Variants in SCN9A observed in about 807,000 individuals in gnomAD.
SCN9A encodes sodium voltage-gated channel alpha subunit 9.
In SCN9A, 131 loss-of-function variants were observed where a neutral mutation model predicts 187.0. The observed-to-expected ratio is 0.70, with a 90% CI of 0.61 to 0.81. SCN9A has a LOEUF of 0.81. Among genes scored for constraint, SCN9A ranks in the 30% least tolerant of loss-of-function variants. The probability of loss-of-function intolerance (pLI) is 0.00; values close to 1 mark genes in which losing one functional copy is unlikely to be tolerated. For synonymous variants in SCN9A, 809 were observed against 808.6 expected (o/e 1.00, Z -0.01); for missense variants, 2,252 against 2,396.6 (o/e 0.94, Z 1.26).
At position 166,238,371 on chromosome 2, in the gene SCN9A, A is replaced by G. The variant is rs1574781281; in HGVS notation, c.3628-104T>C. ...ATTCTAATGCTAAGACTGCTGAAAC[A>G]TAATATTGACATGGGCCAGCTGACA... is the stretch of plus-strand genomic sequence containing the variant. On this transcript the variant is annotated intron_variant, in intron 19 of 26. Coordinates refer to ENST00000642356, the MANE Select transcript of SCN9A (RefSeq NM_001365536.1). The G allele has an allele frequency of 1.6e-5, 12 of 767,444 alleles. No homozygotes were observed. In the East Asian group the frequency reaches 3.1e-4, roughly 20 times the overall value. 47.5% of individuals were successfully genotyped at this position (767,444 alleles called of 1,614,324 possible). A position where few individuals can be genotyped will look rare whatever the true frequency, so the allele number is the denominator to read the frequency against.
At chr2:166,255,834 C>T (rs895753251) in intron 17 of SCN9A, among the ~76,000 whole-genome samples, 1 of 150,142 alleles carries the variant, frequency 6.7e-6, no homozygotes, top group Non-Finnish European at 1.5e-5. Flanking sequence ...AAAATTATGG[C>T]AGACAGTGGT....
chr2:166,304,216 C>T (rs370067909), intron 6 of SCN9A, 22 bp downstream of exon 6: 4 of 1,611,378 alleles, frequency 2.5e-6, no homozygotes, highest in Non-Finnish European at 3.4e-6. Flanking sequence ...TGGCCTAATG[C>T]TTCACACCAA....
chr2:166,242,376 G>A (rs1337590842), intron 19 of SCN9A, 126 bp downstream of exon 19: 27 of 767,100 alleles, frequency 3.5e-5, no homozygotes, highest in Non-Finnish European at 5.1e-5. Flanking sequence ...GTAAAATTTT[G>A]TCATTGGCAC....
chr2:166,307,871 AAATC>A (rs1698808809), intron 2 of SCN9A, among the ~76,000 whole-genome samples: 1 of 152,244 alleles, frequency 6.6e-6, no homozygotes, highest in South Asian at 2.1e-4. Context: ...GACAAAGTTC[AAATC>A]CCAGCCTTAT....
rs1221163449 is a variant in SCN9A at position 166,199,758 on chromosome 2, T to G, written c.4881A>C (p.Ala1627=). Residue 1627 remains alanine (A), a synonymous_variant, in exon 27 of 27, where the codon GCA becomes GCC. Transcript: ENST00000642356. The part of the protein sequence containing the change: ...IGRILRLVKG[A]KGIRTLLFAL... Reference sequence around the variant, plus strand: ...CAAAGAGCAGCGTGCGGATCCCCTTTGCTCCTTTGACTAGACGTAGGATTC... The same window carrying G: ...CAAAGAGCAGCGTGCGGATCCCCTTGGCTCCTTTGACTAGACGTAGGATTC... 1 of 1,614,096 alleles carries G rather than the reference T, an allele frequency of 6.2e-7. No homozygotes were observed.
rs1395610209 is a variant in SCN9A at position 166,303,115 on chromosome 2, G to A, written c.876C>T (p.Thr292=). 12 of 1,605,008 alleles carry A rather than the reference G, an allele frequency of 7.5e-6. No homozygotes were observed. In the African/African-American group the frequency reaches 1.2e-4, roughly 16 times the overall value. ...NNETLESIMN[T]LESEEDFRKY... ...TTCTAAAGTCTTCTTCACTCTCTAG[G>A]GTATTCATTATGCTTTCTAATGTTT... The change falls in exon 7 of 27, where the codon ACC becomes ACT. Residue 292 remains threonine (T), a synonymous_variant. Transcript: ENST00000642356.
chr2:166,361,266 A>G (rs868525965), intron 1 of SCN9A, among the ~76,000 whole-genome samples: 2 of 152,140 alleles, frequency 1.3e-5, no homozygotes. Context: ...TGTATACCTA[A>G]AGCTAATGTT....
At chr2:166,291,944 G>A (rs988815441) in intron 9 of SCN9A, among the ~76,000 whole-genome samples, 4 of 152,106 alleles carry the variant, frequency 2.6e-5, no homozygotes, top group African/African-American at 9.7e-5. Flanking sequence ...AAGACTTAAT[G>A]TAAAACCCCA....
intron 21 of SCN9A, among the ~76,000 whole-genome samples, chr2:166,230,667 C>T (rs1405734503): frequency 1.3e-5 from 2 of 152,164 alleles, no homozygotes; most frequent in African/African-American, 4.8e-5. Context: ...GATAGCCACT[C>T]CCTACTGTAT....
chr2:166,313,885 T>G (rs1699040569), intron 1 of SCN9A, among the ~76,000 whole-genome samples: 1 of 152,256 alleles, frequency 6.6e-6, no homozygotes, highest in Non-Finnish European at 1.5e-5. Context: ...TTCCTTTACT[T>G]GAACATTAGG....
chr2:166,305,452 G>C (rs746437505), intron 5 of SCN9A, among the ~76,000 whole-genome samples: 1 of 152,002 alleles, frequency 6.6e-6, no homozygotes, highest in Admixed American at 6.6e-5. Context: ...TTAAAGGCCT[G>C]AGTTTTTTGT....
chr2:166,278,420 C>A, intron 14 of SCN9A, 107 bp from the exon 15 acceptor site: 1 of 911,844 alleles, frequency 1.1e-6, no homozygotes. Flanking sequence ...AGACAGTTTG[C>A]TAAATACTTT....
At chr2:166,333,655 A>C (rs1302424792) in intron 1 of SCN9A, among the ~76,000 whole-genome samples, 4 of 151,944 alleles carry the variant, frequency 2.6e-5, no homozygotes, top group Admixed American at 1.3e-4. Flanking sequence ...TTTATTTTTC[A>C]GGATTAGATT....
At chr2:166,347,402 C>T (rs1699926018) in intron 1 of SCN9A, among the ~76,000 whole-genome samples, 2 of 152,158 alleles carry the variant, frequency 1.3e-5, no homozygotes, top group South Asian at 2.1e-4. Flanking sequence ...TGAATCATTG[C>T]TCTTAGAAAG....
At chr2:166,364,161 T>TA (rs58184464) in intron 1 of SCN9A, among the ~76,000 whole-genome samples, 12,044 of 145,538 alleles carry the variant, frequency 0.083, 1,369 homozygotes, top group African/African-American at 0.26. Context: ...GGTTATTGTT[T>TA]AAAAAAAAAA....
intron 1 of SCN9A, among the ~76,000 whole-genome samples, chr2:166,360,291 A>T (rs1320766606): frequency 6.6e-6 from 1 of 151,766 alleles, no homozygotes; most frequent in Non-Finnish European, 1.5e-5. Context: ...TTACCCTGGG[A>T]AAACTTAAGA....
At chr2:166,349,738 C>T (rs982677295) in intron 1 of SCN9A, among the ~76,000 whole-genome samples, 35 of 152,010 alleles carry the variant, frequency 2.3e-4, no homozygotes, top group African/African-American at 6.3e-4. Flanking sequence ...TTTGGAAGGC[C>T]GAGGCAGGTG....
chr2:166,202,655 A>C (rs932623096), intron 26 of SCN9A, among the ~76,000 whole-genome samples: 1 of 151,772 alleles, frequency 6.6e-6, no homozygotes, highest in African/African-American at 2.4e-5. Context: ...CAATTATTTT[A>C]GCTTTCTTTT....
rs887871263 is a variant in SCN9A at position 166,293,952 on chromosome 2, T to G, written c.966-580A>C. 1.4e-4 allele frequency among the ~76,000 whole-genome samples: 21 copies of G among 152,158 alleles called. 1 individual carries two copies. Among genetic ancestry groups the G allele is most frequent in the Non-Finnish European group, 2.9e-4 (20 of 68,020 alleles). ...TAAATACAATATTCTGAGATTCTTC[T>G]GGGAACAGCAACCTTATCCAGTTTA... On this transcript the variant is annotated intron_variant, in intron 8 of 26. Transcript: ENST00000642356.
Sources: gnomAD v4.1 joint callset for allele counts (sites outside exome capture counted in the v4.1 genomes callset) on GRCh38, gnomAD v4.1.1 for gene constraint, MANE v1.5 for transcripts, NCBI Gene and HGNC (gene_info 2026-07-23, HGNC 2026-07-21) for gene names.